KCNJ6: variants seen among roughly 807,000 people sequenced by gnomAD.
KCNJ6 encodes potassium inwardly rectifying channel subfamily J member 6, also known as G protein-activated inward rectifier potassium channel 2.
KCNJ6 carries 9 observed loss-of-function variants against 34.2 expected under a neutral mutation model. The observed-to-expected ratio is 0.26, with a 90% CI of 0.16 to 0.46. The LOEUF (loss-of-function observed/expected upper bound fraction) is 0.46. Among genes scored for constraint, KCNJ6 ranks in the 20% least tolerant of loss-of-function variants. The pLI is 1.00. For synonymous variants in KCNJ6, 196 were observed against 207.1 expected (o/e 0.95, Z 0.46); for missense variants, 236 against 531.3 (o/e 0.44, Z 5.46).
chr21:37,822,784 T>C (rs769571036), intron 2 of KCNJ6, among the ~76,000 whole-genome samples: 1 of 152,300 alleles, frequency 6.6e-6, no homozygotes, highest in African/African-American at 2.4e-5. Flanking sequence ...CAAGAAGCCA[T>C]AGACTTAAAT....
intron 1 of KCNJ6, among the ~76,000 whole-genome samples, chr21:37,853,847 T>TGTATATATATATATATATAC (rs1555850321): frequency 5.5e-4 from 22 of 40,162 alleles, no homozygotes; most frequent in African/African-American, 1.4e-3. Flanking sequence ...TATATATATG[T>TGTATATATATATATATATAC]ATATATATAT....
chr21:37,859,699 G>A (rs2055585266), intron 1 of KCNJ6, among the ~76,000 whole-genome samples: 1 of 150,562 alleles, frequency 6.6e-6, no homozygotes. Context: ...TGGCAGACCA[G>A]CAAAGAATTT....
intron 1 of KCNJ6, among the ~76,000 whole-genome samples, chr21:37,880,256 C>A (rs1471766256): frequency 6.6e-6 from 1 of 152,132 alleles, no homozygotes; most frequent in Non-Finnish European, 1.5e-5. Flanking sequence ...CAGCAAGACT[C>A]CGTCTCAAAA....
intron 2 of KCNJ6, among the ~76,000 whole-genome samples, chr21:37,788,574 T>C (rs2055202670): frequency 6.6e-6 from 1 of 152,214 alleles, no homozygotes; most frequent in Non-Finnish European, 1.5e-5. Context: ...CCCCATCCCT[T>C]GGATCTGAGC....
At chr21:37,787,465 G>A (rs1375728253) in intron 2 of KCNJ6, among the ~76,000 whole-genome samples, 3 of 152,128 alleles carry the variant, frequency 2.0e-5, no homozygotes, top group African/African-American at 7.2e-5. Context: ...TTACAGTGGG[G>A]CACGTCAAAG....
intron 2 of KCNJ6, among the ~76,000 whole-genome samples, chr21:37,796,413 A>C (rs1366968329): frequency 6.6e-6 from 1 of 152,224 alleles, no homozygotes; most frequent in South Asian, 2.1e-4. Flanking sequence ...GTATTTCAGA[A>C]GCCTAAGGTG....
intron 2 of KCNJ6, among the ~76,000 whole-genome samples, chr21:37,739,679 A>G (rs982608452): frequency 1.3e-5 from 2 of 152,052 alleles, no homozygotes; most frequent in African/African-American, 4.8e-5. Context: ...CTTTCTGCAC[A>G]CCACTAATAA....
intron 3 of KCNJ6, among the ~76,000 whole-genome samples, chr21:37,644,187 A>G (rs1193239066): frequency 2.6e-5 from 4 of 152,202 alleles, no homozygotes; most frequent in African/African-American, 9.7e-5. Context: ...GAACTCATGA[A>G]CACATAGAGG....
At chr21:37,914,007 G>GT (rs1293468511) in intron 1 of KCNJ6, among the ~76,000 whole-genome samples, 28 of 128,766 alleles carry the variant, frequency 2.2e-4, no homozygotes, top group East Asian at 1.9e-3. Flanking sequence ...AGGCGGATCG[G>GT]GGTGTGTGTG....
intron 1 of KCNJ6, among the ~76,000 whole-genome samples, chr21:37,844,151 C>T (rs550405124): frequency 5.9e-4 from 90 of 152,004 alleles, no homozygotes; most frequent in African/African-American, 2.0e-3. Context: ...CTCCGCCTCC[C>T]GGGTTCAAGC....
chr21:37,809,577 A>T lies in KCNJ6; in HGVS notation c.25+31081T>A, dbSNP rs183696136. On this transcript the variant is annotated intron_variant, in intron 2 of 3. Transcript: ENST00000609713. ...ATTCTTAGAAAGGAAATTTGCTGTA[A>T]TTTTTTCTGATTAAAAAGATGATGT... Among the ~76,000 whole-genome samples the T allele has an allele frequency of 4.6e-4, 70 of 152,288 alleles. No individual in the cohort carries two copies. In the East Asian group the frequency reaches 0.011, roughly 24 times the overall value.
Position 37,714,956 on chromosome 21 carries a change from G to A in KCNJ6, c.201C>T (p.His67=), listed in dbSNP as rs769107756. The stretch of plus-strand genomic sequence containing the variant: ...AGCGATAGGTCTCCCTCACGTTGCC[G>A]TGATGAACATTGCACTTTCCGTCTT... ...VRKDGKCNVH[H]GNVRETYRYL... is the part of the protein sequence containing the mutation. Residue 67 remains histidine (H), a synonymous_variant, in exon 3 of 4, where the codon CAC becomes CAT. Transcript: ENST00000609713. The surrounding 1 kb of genome is among the most constrained non-coding windows in gnomAD (Gnocchi z 5.9). 6.2e-6 allele frequency: 10 copies of A among 1,614,118 alleles called. No homozygotes were observed. Among genetic ancestry groups the A allele is most frequent in the African/African-American group, 5.3e-5 (4 of 74,954 alleles).
At chr21:37,823,162 G>A (rs1051995850) in intron 2 of KCNJ6, among the ~76,000 whole-genome samples, 4 of 152,192 alleles carry the variant, frequency 2.6e-5, no homozygotes, top group Admixed American at 6.5e-5. Flanking sequence ...AGCACCTGCC[G>A]AACCAGCCCC....
chr21:37,857,845 T>A (rs975715793), intron 1 of KCNJ6, among the ~76,000 whole-genome samples: 2 of 152,082 alleles, frequency 1.3e-5, no homozygotes, highest in Non-Finnish European at 2.9e-5. Flanking sequence ...ATAGAAATAG[T>A]ACAGTGAATA....
intron 2 of KCNJ6, among the ~76,000 whole-genome samples, chr21:37,729,137 T>G (rs2054870766): frequency 6.6e-6 from 1 of 152,206 alleles, no homozygotes; most frequent in Non-Finnish European, 1.5e-5. Flanking sequence ...ATTAGCATTT[T>G]AGCTTGGGGA....
At chr21:37,645,550 A>C (rs2054400422) in intron 3 of KCNJ6, among the ~76,000 whole-genome samples, 1 of 152,114 alleles carries the variant, frequency 6.6e-6, no homozygotes. Context: ...TGGAAAAGTA[A>C]ATGTAGTTTG....
intron 3 of KCNJ6, among the ~76,000 whole-genome samples, chr21:37,682,551 C>G (rs894736314): frequency 6.7e-6 from 1 of 148,966 alleles, no homozygotes; most frequent in Non-Finnish European, 1.5e-5. Context: ...TGACCTTCTT[C>G]TGTGTGTCTC....
At chr21:37,700,035 T>C (rs988632704) in intron 3 of KCNJ6, among the ~76,000 whole-genome samples, 1 of 152,170 alleles carries the variant, frequency 6.6e-6, no homozygotes, top group African/African-American at 2.4e-5. Flanking sequence ...AGAAAAATCA[T>C]TTATTTTTTT....
At chr21:37,858,555 C>T (rs1376123977) in intron 1 of KCNJ6, among the ~76,000 whole-genome samples, 1 of 151,940 alleles carries the variant, frequency 6.6e-6, no homozygotes, top group Non-Finnish European at 1.5e-5. Flanking sequence ...ATTTTACAGG[C>T]ATCAAAGCAT....
Sources: gnomAD v4.1 joint callset for allele counts (sites outside exome capture counted in the v4.1 genomes callset) on GRCh38, gnomAD v4.1.1 for gene constraint, Gnocchi (gnomAD v3.1) non-coding constraint, MANE v1.5 for transcripts, NCBI Gene and HGNC (gene_info 2026-07-23, HGNC 2026-07-21) for gene names.